Variants in WDFY3 observed in about 807,000 individuals in gnomAD.
WDFY3 encodes the protein WD repeat and FYVE domain-containing protein 3.
WDFY3 carries 66 observed loss-of-function variants against 409.6 expected under a neutral mutation model. The observed-to-expected ratio is 0.16, with a 90% CI of 0.13 to 0.20. The LOEUF (loss-of-function observed/expected upper bound fraction) is 0.20, where lower values mean the gene tolerates loss of function less well. Among genes scored for constraint, WDFY3 ranks in the 10% least tolerant of loss-of-function variants. The pLI is 1.00. For synonymous variants in WDFY3, 1,521 were observed against 1,537.1 expected (o/e 0.99, Z 0.25); for missense variants, 3,031 against 4,298.1 (o/e 0.71, Z 8.24).
chr4:84,736,093 C>T (rs1466297310), intron 42 of WDFY3, 77 bp downstream of exon 42: 1 of 1,425,002 alleles, frequency 7.0e-7, no homozygotes, highest in Non-Finnish European at 9.3e-7. Flanking sequence ...GTTTCATTTC[C>T]AATCAATTGC....
chr4:84,728,216 A>G (rs913247733), intron 44 of WDFY3, among the ~76,000 whole-genome samples: 15 of 152,142 alleles, frequency 9.9e-5, no homozygotes, highest in African/African-American at 3.6e-4. Context: ...AAAACAAAAC[A>G]AAACAAAACA....
At chr4:84,713,081 T>C (rs1733216968) in intron 51 of WDFY3, 78 bp downstream of exon 51, 5 of 1,471,796 alleles carry the variant, frequency 3.4e-6, no homozygotes, top group Non-Finnish European at 4.7e-6. Flanking sequence ...TCATCTAAAA[T>C]GTTAAATAAT....
At chr4:84,827,636 A>C (rs1755049759) in intron 9 of WDFY3, among the ~76,000 whole-genome samples, 1 of 152,208 alleles carries the variant, frequency 6.6e-6, no homozygotes, top group South Asian at 2.1e-4. Flanking sequence ...CAACATTTTT[A>C]AGGCTCTTAA....
chr4:84,802,508 T>TA (rs563951520), intron 16 of WDFY3, among the ~76,000 whole-genome samples: 162 of 151,806 alleles, frequency 1.1e-3, no homozygotes, highest in African/African-American at 3.7e-3. Context: ...GACCTCGTGA[T>TA]ACACCCGCCT....
intron 44 of WDFY3, among the ~76,000 whole-genome samples, chr4:84,730,653 G>A (rs1736434677): frequency 6.6e-6 from 1 of 152,072 alleles, no homozygotes; most frequent in Non-Finnish European, 1.5e-5. Flanking sequence ...GAAACAAAAT[G>A]CATTCAAACT....
At chr4:84,830,501 T>TA (rs1480161634) in intron 8 of WDFY3, among the ~76,000 whole-genome samples, 3 of 152,212 alleles carry the variant, frequency 2.0e-5, no homozygotes, top group African/African-American at 7.2e-5. Context: ...GTTTTCGACT[T>TA]ACACTATTTT....
chr4:84,712,493 G>A (rs1220199299), intron 51 of WDFY3, among the ~76,000 whole-genome samples: 1 of 151,882 alleles, frequency 6.6e-6, no homozygotes, highest in Non-Finnish European at 1.5e-5. Context: ...GGCCGAGGTG[G>A]ACAGATCACC....
At chr4:84,811,177 T>C (rs1752433227) in intron 13 of WDFY3, among the ~76,000 whole-genome samples, 1 of 152,120 alleles carries the variant, frequency 6.6e-6, no homozygotes, top group Non-Finnish European at 1.5e-5. Context: ...TTTTGTATTT[T>C]TAGTAGAGAT....
rs200235032 is a variant in WDFY3 at position 84,774,778 on chromosome 4, T to C, written c.4754+42A>G. On this transcript the variant is annotated intron_variant, in intron 29 of 67. Coordinates refer to ENST00000295888, the MANE Select transcript of WDFY3 (RefSeq NM_014991.6). ...TCATCCATCTTAACCTCATTGGTAC[T>C]TTTAGTTAATAAAAAGACAAAGACA... is the stretch of plus-strand genomic sequence containing the variant. 9.8e-5 allele frequency: 153 copies of C among 1,560,964 alleles called. 2 individuals carry two copies. In the Middle Eastern group the frequency reaches 1.7e-3, roughly 17 times the overall value.
chr4:84,708,836 C>T lies in WDFY3; in HGVS notation c.8217+73G>A, dbSNP rs1578203098. 14 of 1,540,208 alleles carry T rather than the reference C, an allele frequency of 9.1e-6. No homozygotes were observed. The East Asian group carries it at 2.9e-4, about 32-fold the overall frequency. ...GATTTTAGGGATGAGCCACTGCACCCCACTTCAATTGTCGTATTTTAAAAT... is the reference window on the plus strand; with the variant it reads ...GATTTTAGGGATGAGCCACTGCACCTCACTTCAATTGTCGTATTTTAAAAT... On this transcript the variant is annotated intron_variant, in intron 53 of 67. Coordinates refer to ENST00000295888, the MANE Select transcript of WDFY3 (RefSeq NM_014991.6).
chr4:84,695,895 G>A, intron 58 of WDFY3, 75 bp downstream of exon 58: 3 of 1,338,676 alleles, frequency 2.2e-6, no homozygotes, highest in Non-Finnish European at 3.1e-6. Context: ...TAATTATTTT[G>A]TGGTAATCTA....
chr4:84,679,301 T>C (rs984744601), intron 64 of WDFY3, 59 bp from the exon 65 acceptor site: 16 of 1,419,474 alleles, frequency 1.1e-5, no homozygotes, highest in Non-Finnish European at 1.3e-5. Context: ...CACCCAGCTT[T>C]GTTCTGCTAG....
In WDFY3 at chr4:84,859,329, G is replaced by GTGTA. The variant is rs147700549; in HGVS notation, c.180+1079_180+1082dup. Among the ~76,000 whole-genome samples, 227 of 152,126 alleles carry GTGTA rather than the reference G, an allele frequency of 1.5e-3. 2 individuals carry two copies. Among genetic ancestry groups the GTGTA allele is most frequent in the Non-Finnish European group, 2.4e-3 (165 of 67,968 alleles). ...TGAGGAGGGCAGCATGTATGAATGA[G>GTGTA]TGTATGTATGTATGTATGTATGTAC... On this transcript the variant is annotated intron_variant, in intron 4 of 67. Transcript: ENST00000295888.
chr4:84,846,974 G>A (rs1758150931), intron 5 of WDFY3, among the ~76,000 whole-genome samples: 1 of 152,018 alleles, frequency 6.6e-6, no homozygotes, highest in South Asian at 2.1e-4. Flanking sequence ...ATGTTCAAGA[G>A]CAGTTAGACC....
intron 1 of WDFY3, 110 bp from the exon 2 acceptor site, chr4:84,932,473 A>G (rs1770884965): frequency 6.6e-6 from 1 of 152,226 alleles, no homozygotes; most frequent in South Asian, 2.1e-4. Flanking sequence ...TTGCTTGTTT[A>G]ATAATGGAAC....
At chr4:84,702,903 T>C (rs1731285815) in intron 55 of WDFY3, among the ~76,000 whole-genome samples, 1 of 152,144 alleles carries the variant, frequency 6.6e-6, no homozygotes, top group Non-Finnish European at 1.5e-5. Context: ...GAGACCATCC[T>C]GGCTAACACG....
At chr4:84,797,446 C>T (rs888568256) in intron 18 of WDFY3, among the ~76,000 whole-genome samples, 8 of 152,028 alleles carry the variant, frequency 5.3e-5, no homozygotes, top group Non-Finnish European at 1.2e-4. Flanking sequence ...AAACTGTTTT[C>T]CTCCTAAATG....
At chr4:84,703,263 T>G (rs1238257775) in intron 55 of WDFY3, among the ~76,000 whole-genome samples, 2 of 152,098 alleles carry the variant, frequency 1.3e-5, no homozygotes, top group Non-Finnish European at 2.9e-5. Flanking sequence ...CTAATGAAAA[T>G]TAAATGGAGA....
chr4:84,802,714 A>G (rs1025590289), intron 16 of WDFY3, among the ~76,000 whole-genome samples: 1 of 152,214 alleles, frequency 6.6e-6, no homozygotes, highest in Non-Finnish European at 1.5e-5. Flanking sequence ...GCTGGACTCT[A>G]TTCTCTTCCA....
Sources: gnomAD v4.1 joint callset for allele counts (sites outside exome capture counted in the v4.1 genomes callset) on GRCh38, gnomAD v4.1.1 for gene constraint, MANE v1.5 for transcripts, NCBI Gene and HGNC (gene_info 2026-07-23, HGNC 2026-07-21) for gene names.